The following MPDZ variants were observed in gnomAD, a reference collection of about 807,000 sequenced individuals.
MPDZ encodes the protein multiple PDZ domain protein.
A neutral mutation model predicts 239.1 loss-of-function variants in MPDZ; 234 were observed. The observed-to-expected ratio is 0.98, with a 90% CI of 0.88 to 1.09. The LOEUF is 1.09. Among genes scored for constraint, MPDZ ranks in the 50% least tolerant of loss-of-function variants. MPDZ has a pLI of 0.00. For synonymous variants in MPDZ, 1,048 were observed against 881.3 expected, an observed-to-expected ratio of 1.19 and a Z score of -3.35; for missense variants, 3,175 against 2,510.0, an observed-to-expected ratio of 1.26 and a Z score of -5.66.
At chr9:13,242,365 A>G (rs1029298034) in intron 3 of MPDZ, among the ~76,000 whole-genome samples, 2 of 151,512 alleles carry the variant, frequency 1.3e-5, no homozygotes, top group African/African-American at 4.8e-5. Flanking sequence ...AGCTGGGATT[A>G]CAGGCATGCA....
intron 46 of MPDZ, among the ~76,000 whole-genome samples, chr9:13,108,735 A>G (rs1389612729): frequency 1.3e-5 from 2 of 152,158 alleles, no homozygotes; most frequent in Admixed American, 6.5e-5. Flanking sequence ...TTTCAATTTG[A>G]GCCTATTTTC....
At chr9:13,131,804 A>T (rs950242172) in intron 32 of MPDZ, among the ~76,000 whole-genome samples, 1 of 152,138 alleles carries the variant, frequency 6.6e-6, no homozygotes, top group African/African-American at 2.4e-5. Flanking sequence ...TGGATTTGTC[A>T]GCCTCTTTCT....
In MPDZ at chr9:13,239,768, G is replaced by A. The variant is rs7026447; in HGVS notation, c.183+7867C>T. 3.7e-3 allele frequency among the ~76,000 whole-genome samples: 560 copies of A among 152,178 alleles called. 4 individuals carry two copies. Among genetic ancestry groups the A allele is most frequent in the African/African-American group, 0.013 (544 of 41,528 alleles). On this transcript the variant is annotated intron_variant, in intron 3 of 46. Transcript: ENST00000319217. Reference sequence around the variant, plus strand: ...GGACTTTATGCCAAAAGTGGTAAATGGATGTCAAGCAAACCTGAAATACAA... The same window carrying A: ...GGACTTTATGCCAAAAGTGGTAAATAGATGTCAAGCAAACCTGAAATACAA...
intron 19 of MPDZ, among the ~76,000 whole-genome samples, chr9:13,180,483 A>C (rs948856273): frequency 3.9e-5 from 6 of 152,072 alleles, no homozygotes; most frequent in Non-Finnish European, 8.8e-5. Context: ...GTGAATAAGG[A>C]GTAGAAGGGG....
At chr9:13,219,922 T>C (rs1473217486) in intron 7 of MPDZ, among the ~76,000 whole-genome samples, 154 bp from the exon 8 acceptor site, 2 of 151,970 alleles carry the variant, frequency 1.3e-5, no homozygotes, top group Non-Finnish European at 2.9e-5. Flanking sequence ...AACTGTCTTT[T>C]GAAACATCCT....
At chr9:13,116,383 A>G (rs1189837040) in intron 39 of MPDZ, among the ~76,000 whole-genome samples, 9 of 152,202 alleles carry the variant, frequency 5.9e-5, no homozygotes, top group Admixed American at 5.9e-4. Context: ...AACCATGAAC[A>G]ATGCTTATGA....
At chr9:13,160,856 AT>A (rs1563931003) in intron 23 of MPDZ, among the ~76,000 whole-genome samples, 6 of 125,026 alleles carry the variant, frequency 4.8e-5, no homozygotes, top group South Asian at 2.7e-4. Context: ...ATATATATAT[AT>A]ATATATATAT....
chr9:13,140,724 G>A (rs1447056765), intron 27 of MPDZ: 1 of 151,674 alleles, frequency 6.6e-6, no homozygotes, highest in African/African-American at 2.4e-5. Context: ...TTTGGGTCTG[G>A]GTAAGATTTG....
Position 13,205,607 on chromosome 9 carries a change from GAAGT to G in MPDZ, c.1474+305_1474+308del, listed in dbSNP as rs916628175. ...AGTGAGAACATTGCAATGACATCCA[GAAGT>G]AAGGCAGAAACAGAAAGGTAAATGA... is the stretch of plus-strand genomic sequence containing the variant. On this transcript the variant is annotated intron_variant, in intron 11 of 46. Coordinates refer to ENST00000319217, the MANE Select transcript of MPDZ (RefSeq NM_001378778.1). Among the ~76,000 whole-genome samples the G allele has an allele frequency of 4.9e-4, 75 of 152,234 alleles. 1 individual carries two copies. Among genetic ancestry groups the G allele is most frequent in the African/African-American group, 1.7e-3 (71 of 41,542 alleles).
At chr9:13,275,573 C>T (rs1973977930) in intron 1 of MPDZ, among the ~76,000 whole-genome samples, 2 of 152,062 alleles carry the variant, frequency 1.3e-5, no homozygotes, top group African/African-American at 4.8e-5. Context: ...GTAACAAACA[C>T]CAAAAATGTG....
At chr9:13,230,021 G>T (rs1961907966) in intron 3 of MPDZ, among the ~76,000 whole-genome samples, 2 of 151,756 alleles carry the variant, frequency 1.3e-5, no homozygotes, top group South Asian at 4.2e-4. Context: ...TAGAAAATGG[G>T]CAGAAAAAAA....
intron 44 of MPDZ, 45 bp from the exon 45 acceptor site, chr9:13,110,109 G>A (rs1274206802): frequency 9.9e-6 from 14 of 1,414,610 alleles, no homozygotes; most frequent in Non-Finnish European, 1.3e-5. Flanking sequence ...ATGTTCCTGT[G>A]GCTAGGGAAA....
intron 1 of MPDZ, among the ~76,000 whole-genome samples, chr9:13,255,665 T>C (rs928559110): frequency 1.3e-5 from 2 of 152,204 alleles, no homozygotes; most frequent in Non-Finnish European, 2.9e-5. Context: ...AGCAGTAATA[T>C]ATTTTATAAG....
At chr9:13,270,813 A>C (rs1441702809) in intron 1 of MPDZ, among the ~76,000 whole-genome samples, 1 of 152,170 alleles carries the variant, frequency 6.6e-6, no homozygotes, top group African/African-American at 2.4e-5. Context: ...TGATGATCTG[A>C]ATTGTAACAT....
intron 43 of MPDZ, among the ~76,000 whole-genome samples, chr9:13,111,406 T>C (rs1291375286): frequency 1.3e-5 from 2 of 152,200 alleles, no homozygotes; most frequent in Non-Finnish European, 2.9e-5. Flanking sequence ...AACTAAAATG[T>C]GGTTATGTTC....
intron 21 of MPDZ, among the ~76,000 whole-genome samples, chr9:13,171,382 T>C (rs1480075725): frequency 1.3e-5 from 2 of 152,130 alleles, no homozygotes; most frequent in Non-Finnish European, 2.9e-5. Flanking sequence ...GTACTGAATG[T>C]ATTGTACGGT....
At chr9:13,194,712 AT>A (rs1955416690) in intron 13 of MPDZ, among the ~76,000 whole-genome samples, 1 of 151,978 alleles carries the variant, frequency 6.6e-6, no homozygotes, top group African/African-American at 2.4e-5. Flanking sequence ...TAAAAGTAAA[AT>A]TTAAAAAAAA....
intron 10 of MPDZ, among the ~76,000 whole-genome samples, chr9:13,210,300 C>G (rs10809916): frequency 0.087 from 13,259 of 151,834 alleles, 766 homozygotes; most frequent in South Asian, 0.17. Flanking sequence ...TATATCAAAG[C>G]AAGTTGTAAA....
chr9:13,127,358 C>A (rs996146950), intron 32 of MPDZ, among the ~76,000 whole-genome samples: 1 of 152,208 alleles, frequency 6.6e-6, no homozygotes, highest in Non-Finnish European at 1.5e-5. Context: ...CTCTGAGAAC[C>A]TGCCAAGGCT....
Sources: gnomAD v4.1 joint callset for allele counts (sites outside exome capture counted in the v4.1 genomes callset) on GRCh38, gnomAD v4.1.1 for gene constraint, MANE v1.5 for transcripts, NCBI Gene and HGNC (gene_info 2026-07-23, HGNC 2026-07-21) for gene names.